Variants in IKBKB observed in about 807,000 individuals in gnomAD.
The protein encoded by IKBKB is inhibitor of nuclear factor kappa-B kinase subunit beta.
IKBKB carries 42 observed loss-of-function variants against 113.6 expected under a neutral mutation model. The ratio of observed to expected loss-of-function variants is 0.37; its 90% CI spans 0.29 to 0.48. The LOEUF (loss-of-function observed/expected upper bound fraction) is 0.48, where lower values mean the gene tolerates loss of function less well. Among genes scored for constraint, IKBKB ranks in the 20% least tolerant of loss-of-function variants. The pLI is 0.99. For missense variants in IKBKB, 673 were observed against 939.7 expected, an observed-to-expected ratio of 0.72 and a Z score of 3.71; for synonymous variants, 296 against 361.3, an observed-to-expected ratio of 0.82 and a Z score of 2.05.
intron 2 of IKBKB, among the ~76,000 whole-genome samples, chr8:42,287,501 A>C (rs1000535923): frequency 5.9e-5 from 9 of 152,368 alleles, no homozygotes; most frequent in African/African-American, 1.9e-4. Flanking sequence ...AGTGTAGCAG[A>C]GCAGGGCCAA....
intron 8 of IKBKB, among the ~76,000 whole-genome samples, chr8:42,310,265 GT>G (rs1199315548): frequency 6.6e-6 from 1 of 152,110 alleles, no homozygotes; most frequent in African/African-American, 2.4e-5. Context: ...ACCGTAATAA[GT>G]TCATGTGGCT....
rs1351995623 is a variant in IKBKB, at chr8:42,332,166, G to A, written c.*1187G>A. On this transcript the variant is annotated 3_prime_UTR_variant, in exon 22 of 22. Transcript: ENST00000520810. ...AGTTTTGTTGGAGAAGAAAGTTGGA[G>A]TAGGAGACTTTCACAAGTGGTTTCC... 6.6e-6 allele frequency: 1 copy of A among 152,408 alleles called. No individual in the cohort carries two copies. The highest frequency in any genetic ancestry group is 1.5e-5 in the Non-Finnish European group (1 of 68,088). The allele number at this position is 152,408 out of a possible 1,614,324, so 9.4% of individuals were successfully genotyped here.
rs1159177457 is a variant in IKBKB, at chr8:42,278,253, C to G, written c.105+6048C>G. On this transcript the variant is annotated intron_variant, in intron 2 of 21. Transcript: ENST00000520810. ...GGGCAAGACTGAAGGCCAGCGTGGCCGGAAGGGAGGATGGGGCACAAGTGC... is the reference window on the plus strand; with the variant it reads ...GGGCAAGACTGAAGGCCAGCGTGGCGGGAAGGGAGGATGGGGCACAAGTGC... Among the ~76,000 whole-genome samples the G allele has an allele frequency of 2.0e-5, 3 of 152,230 alleles. No individual in the cohort carries two copies. The East Asian group carries it at 5.8e-4, about 29-fold the overall frequency.
At chr8:42,305,683 G>T (rs1816366519) in intron 6 of IKBKB, among the ~76,000 whole-genome samples, 1 of 152,200 alleles carries the variant, frequency 6.6e-6, no homozygotes, top group Non-Finnish European at 1.5e-5. Context: ...GCTGGCCTCT[G>T]CTGCCAAGCC....
At position 42,271,375 on chromosome 8, in the gene IKBKB, T is replaced by A; in HGVS notation, c.-113T>A. 1 of 1,504,628 alleles carries A rather than the reference T, an allele frequency of 6.6e-7. No individual in the cohort carries two copies. The highest frequency in any genetic ancestry group is 8.9e-7 in the Non-Finnish European group (1 of 1,119,582). The allele number at this position is 1,504,628 out of a possible 1,614,324, so 93.2% of individuals were successfully genotyped here. A position where few individuals can be genotyped will look rare whatever the true frequency, so the allele number is the denominator to read the frequency against. On this transcript the variant is annotated 5_prime_UTR_variant, in exon 1 of 22. Coordinates refer to ENST00000520810, the MANE Select transcript of IKBKB (RefSeq NM_001556.3). ...CGTTAAGATTCCCGCATTTTAATGT[T>A]TTCAGGGGGGTGTCATAGCCCCGGG... is the stretch of plus-strand genomic sequence containing the variant.
intron 6 of IKBKB, 117 bp from the exon 7 acceptor site, chr8:42,306,224 GGA>G (rs907908386): frequency 2.5e-5 from 16 of 648,828 alleles, no homozygotes; most frequent in Non-Finnish European, 4.5e-5. Flanking sequence ...TAGGAGTTTG[GGA>G]TCTAATAGTA....
At chr8:42,291,184 ATAAT>A (rs752169495) in intron 4 of IKBKB, among the ~76,000 whole-genome samples, 1 of 152,136 alleles carries the variant, frequency 6.6e-6, no homozygotes, top group Non-Finnish European at 1.5e-5. Context: ...TCTGAACAAA[ATAAT>A]TTTTTTTTTT....
In IKBKB at chr8:42,316,788, A is replaced by C; in HGVS notation, c.1009A>C (p.Lys337Gln). 1 of 1,614,162 alleles carries C rather than the reference A, an allele frequency of 6.2e-7. No homozygotes were observed. The highest frequency in any genetic ancestry group is 1.3e-5 in the African/African-American group (1 of 75,032). Residue 337 changes from lysine (K) to glutamine (Q), a missense_variant, in exon 11 of 22, where the codon AAG (lysine) becomes CAG (glutamine). Physicochemically the swap from Lys to Gln is moderately conservative, Grantham distance 53 (BLOSUM62 1). Around this residue, in one of 2 missense-constraint regions of IKBKB, gnomAD observed 506 missense variants for 638.7 expected, o/e 0.79. Coordinates refer to ENST00000520810, the MANE Select transcript of IKBKB (RefSeq NM_001556.3). The surrounding 1 kb of genome is among the most constrained non-coding windows in gnomAD (Gnocchi z 4.5). ...VTEDESLQSL[K>Q]ARIQQDTGIP... ...AGAGGATGAGAGTCTGCAGAGCTTG[A>C]AGGCCAGAATCCAACAGGACACGGG...
intron 7 of IKBKB, 145 bp downstream of exon 7, chr8:42,306,577 G>C: frequency 1.6e-6 from 1 of 621,124 alleles, no homozygotes; most frequent in Admixed American, 2.6e-5. Flanking sequence ...CCCATAACCT[G>C]GTCGAGTCAG....
At chr8:42,279,379 C>A (rs915332361) in intron 2 of IKBKB, among the ~76,000 whole-genome samples, 1 of 152,196 alleles carries the variant, frequency 6.6e-6, no homozygotes, top group Non-Finnish European at 1.5e-5. Flanking sequence ...CCTGACACTC[C>A]ATGCACTGCA....
At chr8:42,309,089 C>A in intron 8 of IKBKB, 64 bp downstream of exon 8, 1 of 1,523,942 alleles carries the variant, frequency 6.6e-7, no homozygotes, top group South Asian at 1.2e-5. Flanking sequence ...CTTCACGTAC[C>A]CTGTTTCCCT....
At chr8:42,292,471 A>G (rs1812840077) in intron 4 of IKBKB, among the ~76,000 whole-genome samples, 1 of 152,196 alleles carries the variant, frequency 6.6e-6, no homozygotes, top group Non-Finnish European at 1.5e-5. Flanking sequence ...ACTGTTGCCC[A>G]GTGTCTTGTT....
At chr8:42,303,981 C>G (rs1174136429) in intron 5 of IKBKB, among the ~76,000 whole-genome samples, 1 of 152,184 alleles carries the variant, frequency 6.6e-6, no homozygotes, top group African/African-American at 2.4e-5. Context: ...GTTATTTGCA[C>G]TGTTCTATTT....
intron 2 of IKBKB, among the ~76,000 whole-genome samples, chr8:42,281,001 A>G (rs1188790983): frequency 6.6e-6 from 1 of 151,966 alleles, no homozygotes; most frequent in African/African-American, 2.4e-5. Flanking sequence ...TCGTGTGCTT[A>G]CTCTCTGATC....
In IKBKB at chr8:42,296,718, GT is replaced by G. The variant is rs998503169; in HGVS notation, c.388+3215del. ...GGAAATTAAAATAAGTAAGGACCTA[GT>G]TTTTTTTTAAAATCAAATGTCCACA... On this transcript the variant is annotated intron_variant, in intron 5 of 21. Transcript: ENST00000520810. Among the ~76,000 whole-genome samples the G allele has an allele frequency of 5.3e-5, 8 of 151,596 alleles. No homozygotes were observed. The East Asian group carries it at 7.7e-4, about 15-fold the overall frequency.
intron 2 of IKBKB, among the ~76,000 whole-genome samples, chr8:42,274,790 C>T (rs969154403): frequency 5.9e-5 from 2 of 34,080 alleles, no homozygotes; most frequent in African/African-American, 8.1e-4. Context: ...CGGCGCGCCC[C>T]CCCCCCCCCC....
Position 42,306,420 on chromosome 8 carries a change from C to G in IKBKB, c.555C>G (p.Thr185=). Residue 185 remains threonine, a synonymous_variant, in exon 7 of 22, where the codon ACC becomes ACG. Transcript: ENST00000520810. ...QGSLCTSFVG[T]LQYLAPELLE... is the part of the protein sequence containing the mutation. ...GTCTTTGCACATCATTCGTGGGGAC[C>G]CTGCAGTACCTGGTAAGAAGTGGGC... 4.3e-6 allele frequency: 7 copies of G among 1,610,202 alleles called. No individual in the cohort carries two copies. The highest frequency in any genetic ancestry group is 5.9e-6 in the Non-Finnish European group (7 of 1,176,518).
Position 42,281,455 on chromosome 8 carries a change from G to A in IKBKB, c.106-7179G>A, listed in dbSNP as rs186760445. Among the ~76,000 whole-genome samples, 969 of 152,282 alleles carry A rather than the reference G, an allele frequency of 6.4e-3. 5 individuals carry two copies. The highest frequency in any genetic ancestry group is 0.011 in the Non-Finnish European group (720 of 68,014). On this transcript the variant is annotated intron_variant, in intron 2 of 21. Coordinates refer to ENST00000520810, the MANE Select transcript of IKBKB (RefSeq NM_001556.3). The stretch of plus-strand genomic sequence containing the variant: ...GCACCTTTACCAGGCGGTGGGGGAG[G>A]GAGTTACACCTGGACCTGCTTGTCT...
chr8:42,281,044 A>G (rs1010259426), intron 2 of IKBKB, among the ~76,000 whole-genome samples: 1 of 152,122 alleles, frequency 6.6e-6, no homozygotes, highest in Non-Finnish European at 1.5e-5. Flanking sequence ...GAAATGCATT[A>G]AGTGAGTCTA....
Sources: gnomAD v4.1 joint callset for allele counts (sites outside exome capture counted in the v4.1 genomes callset) on GRCh38, gnomAD v4.1.1 for gene constraint, gnomAD v4.1.1 regional missense constraint, Gnocchi (gnomAD v3.1) non-coding constraint, MANE v1.5 for transcripts, NCBI Gene and HGNC (gene_info 2026-07-23, HGNC 2026-07-21) for gene names.